The following ADAMTS2 variants were observed in gnomAD, a reference collection of about 807,000 sequenced individuals.
ADAMTS2 encodes ADAM metallopeptidase with thrombospondin type 1 motif 2, also known as A disintegrin and metalloproteinase with thrombospondin motifs 2.
ADAMTS2 carries 50 observed loss-of-function variants against 123.0 expected under a neutral mutation model. That is an observed-to-expected ratio of 0.41 (90% CI 0.32 to 0.51). The LOEUF (loss-of-function observed/expected upper bound fraction) is 0.51. ADAMTS2 is among the 20% of genes least tolerant of loss of function. The pLI is 0.35. For synonymous variants in ADAMTS2, 678 were observed against 695.4 expected (o/e 0.98, Z 0.39); for missense variants, 1,494 against 1,705.2 (o/e 0.88, Z 2.18).
intron 2 of ADAMTS2, among the ~76,000 whole-genome samples, chr5:179,284,986 GA>G (rs1027122977): frequency 6.6e-6 from 1 of 152,138 alleles, no homozygotes; most frequent in African/African-American, 2.4e-5. Context: ...CCTCTCTGTG[GA>G]CAGTGTCTGC....
chr5:179,193,513 C>A (rs1296497679), intron 4 of ADAMTS2, among the ~76,000 whole-genome samples: 2 of 152,096 alleles, frequency 1.3e-5, no homozygotes, highest in Non-Finnish European at 2.9e-5. Flanking sequence ...CGGGACCTGG[C>A]CATTCAGACG....
chr5:179,264,300 T>C (rs12514197), intron 3 of ADAMTS2, among the ~76,000 whole-genome samples: 26,885 of 152,174 alleles, frequency 0.18, 3,005 homozygotes, highest in East Asian at 0.37. Context: ...AGCCAGGGCA[T>C]GAAGGAAGCC....
At chr5:179,313,063 G>A (rs1196536807) in intron 2 of ADAMTS2, among the ~76,000 whole-genome samples, 6 of 152,178 alleles carry the variant, frequency 3.9e-5, no homozygotes, top group African/African-American at 1.2e-4. Context: ...GGACAACATC[G>A]AAACCCGATA....
At position 179,218,429 on chromosome 5, in the gene ADAMTS2, G is replaced by C. The variant is rs544322072; in HGVS notation, c.689-10714C>G. Reference sequence around the variant, plus strand: ...GAAAGCCCTGCTTGGAAGCAGGCAGGCTCTTTGGAGGCTCTGGGAAGCAGA... The same window carrying C: ...GAAAGCCCTGCTTGGAAGCAGGCAGCCTCTTTGGAGGCTCTGGGAAGCAGA... On this transcript the variant is annotated intron_variant, in intron 3 of 21. Coordinates refer to ENST00000251582, the MANE Select transcript of ADAMTS2 (RefSeq NM_014244.5). Among the ~76,000 whole-genome samples, 32 of 152,358 alleles carry C rather than the reference G, an allele frequency of 2.1e-4. 1 individual carries two copies. The highest frequency in any genetic ancestry group is 7.7e-4 in the African/African-American group (32 of 41,576).
chr5:179,152,279 C>T, intron 9 of ADAMTS2, 24 bp from the exon 10 acceptor site: 1 of 1,610,010 alleles, frequency 6.2e-7, no homozygotes, highest in Non-Finnish European at 8.5e-7. Context: ...CCATAGCTTG[C>T]CAGGTCCCTC....
Position 179,162,745 on chromosome 5 carries a change from G to A in ADAMTS2, c.976-3866C>T, listed in dbSNP as rs917667136. Among the ~76,000 whole-genome samples the A allele has an allele frequency of 3.3e-5, 5 of 152,236 alleles. No individual in the cohort carries two copies. The highest frequency in any genetic ancestry group is 1.3e-4 in the Admixed American group (2 of 15,284). On this transcript the variant is annotated intron_variant, in intron 5 of 21. Transcript: ENST00000251582. This position sits in a 1 kb window ranked among gnomAD's most constrained non-coding sequence, Gnocchi z 5.1. ...AGACTGGGTCACTGGCGGCCATCAC[G>A]AAGGCTGCCTGCCACTGACGGGTGT...
At chr5:179,244,977 C>T (rs1765750822) in intron 3 of ADAMTS2, among the ~76,000 whole-genome samples, 1 of 152,164 alleles carries the variant, frequency 6.6e-6, no homozygotes, top group African/African-American at 2.4e-5. Context: ...CTGTGGCCCT[C>T]CAAAGATGTT....
chr5:179,135,962 T>C lies in ADAMTS2; in HGVS notation c.2032A>G (p.Thr678Ala). Residue 678 changes from threonine (T) to alanine (A), a missense_variant, in exon 13 of 22, where the codon ACG becomes GCG. Around this residue, in one of 6 missense-constraint regions of ADAMTS2, gnomAD observed 953 missense variants for 1,124.7 expected, o/e 0.85. Coordinates refer to ENST00000251582, the MANE Select transcript of ADAMTS2 (RefSeq NM_014244.5). ...AAGGCGTCCTTGTAGGAGCAGCGCG[T>C]CCCGTCATGCACCATGCGCTTCATG... ...VSMKRMVHDG[T>A]RCSYKDAFSL... 2 of 1,613,348 alleles carry C rather than the reference T, an allele frequency of 1.2e-6. No homozygotes were observed. The highest frequency in any genetic ancestry group is 1.7e-6 in the Non-Finnish European group (2 of 1,180,026).
rs146489194 is a variant in ADAMTS2, at chr5:179,203,816, T to C, written c.891+3697A>G. On this transcript the variant is annotated intron_variant, in intron 4 of 21. Transcript: ENST00000251582. ...AACAGCGTGGAAACTCCTCAAAAAATTAAAGAAAGAATTACCCTGTGTCCC... is the reference window on the plus strand; with the variant it reads ...AACAGCGTGGAAACTCCTCAAAAAACTAAAGAAAGAATTACCCTGTGTCCC... Among the ~76,000 whole-genome samples the C allele has an allele frequency of 3.5e-3, 540 of 152,164 alleles. 4 individuals are homozygous for C. The highest frequency in any genetic ancestry group is 0.012 in the African/African-American group (517 of 41,502).
At chr5:179,278,353 T>C (rs572575590) in intron 2 of ADAMTS2, among the ~76,000 whole-genome samples, 3 of 152,104 alleles carry the variant, frequency 2.0e-5, no homozygotes, top group East Asian at 3.9e-4. Context: ...CAGAAGAAAA[T>C]TGACAGGAGA....
intron 2 of ADAMTS2, among the ~76,000 whole-genome samples, chr5:179,333,602 T>TG (rs1395563274): frequency 6.8e-6 from 1 of 147,170 alleles, no homozygotes. Context: ...TTCTGTTTTT[T>TG]TTTTTTTTTT....
chr5:179,273,089 A>C, intron 2 of ADAMTS2, 25 bp from the exon 3 acceptor site: 1 of 1,613,406 alleles, frequency 6.2e-7, no homozygotes, highest in Non-Finnish European at 8.5e-7. Flanking sequence ...CAACAGGATC[A>C]GATTTCCAGC....
intron 4 of ADAMTS2, among the ~76,000 whole-genome samples, chr5:179,193,323 A>C (rs1764349274): frequency 6.6e-6 from 1 of 152,132 alleles, no homozygotes; most frequent in Non-Finnish European, 1.5e-5. Context: ...TACGCCGAGT[A>C]CTTCCCCGCG....
chr5:179,148,154 C>T (rs72816702), intron 10 of ADAMTS2, among the ~76,000 whole-genome samples: 4 of 152,202 alleles, frequency 2.6e-5, no homozygotes, highest in Non-Finnish European at 5.9e-5. Flanking sequence ...CACCTTCCCC[C>T]AGCACAGCAG....
At chr5:179,304,149 G>A (rs1013550629) in intron 2 of ADAMTS2, among the ~76,000 whole-genome samples, 24 of 152,096 alleles carry the variant, frequency 1.6e-4, no homozygotes, top group Admixed American at 9.8e-4. Context: ...ACATTGAACC[G>A]CAATCCACAG....
At chr5:179,214,081 G>A (rs915029695) in intron 3 of ADAMTS2, among the ~76,000 whole-genome samples, 3 of 151,952 alleles carry the variant, frequency 2.0e-5, no homozygotes, top group African/African-American at 7.3e-5. Context: ...CTCAAAAGCC[G>A]TGCCCACAGT....
intron 4 of ADAMTS2, among the ~76,000 whole-genome samples, chr5:179,205,417 C>T (rs1385232112): frequency 1.3e-5 from 2 of 152,264 alleles, no homozygotes; most frequent in African/African-American, 2.4e-5. Flanking sequence ...CATGTAATCA[C>T]ATCAACCCCC....
chr5:179,232,705 G>T (rs914217082), intron 3 of ADAMTS2, among the ~76,000 whole-genome samples: 1 of 152,184 alleles, frequency 6.6e-6, no homozygotes, highest in East Asian at 1.9e-4. Flanking sequence ...GGATGAGGAT[G>T]AGTAGATCGG....
chr5:179,148,309 C>T (rs773169058), intron 10 of ADAMTS2, among the ~76,000 whole-genome samples: 17 of 151,920 alleles, frequency 1.1e-4, no homozygotes, highest in Non-Finnish European at 1.8e-4. Context: ...GTCGTTTATT[C>T]CTCAAGCTGT....
Sources: allele counts gnomAD v4.1 joint callset (sites outside exome capture counted in the v4.1 genomes callset), GRCh38; gene constraint gnomAD v4.1.1; regional missense constraint gnomAD v4.1.1; non-coding constraint Gnocchi (gnomAD v3.1); transcripts MANE v1.5; gene names NCBI Gene and HGNC (gene_info 2026-07-23, HGNC 2026-07-21).